The following PHKB variants were observed in gnomAD, a reference collection of about 807,000 sequenced individuals.
The protein encoded by PHKB is phosphorylase b kinase regulatory subunit beta.
Under a neutral mutation model 152.1 loss-of-function variants are expected in PHKB, and 122 were observed. The observed-to-expected ratio is 0.80, with a 90% CI of 0.69 to 0.93. PHKB has a LOEUF of 0.93. PHKB is among the 40% of genes least tolerant of loss of function. The probability of loss-of-function intolerance (pLI) is 0.00; values close to 1 mark genes in which losing one functional copy is unlikely to be tolerated. For synonymous variants in PHKB, 436 were observed against 464.9 expected (o/e 0.94, Z 0.80); for missense variants, 1,304 against 1,328.4 (o/e 0.98, Z 0.29).
chr16:47,538,241 G>A (rs570396511), intron 6 of PHKB, among the ~76,000 whole-genome samples: 1 of 152,244 alleles, frequency 6.6e-6, no homozygotes, highest in East Asian at 1.9e-4. Flanking sequence ...AGTATTTTCT[G>A]TTGTGTTATA....
chr16:47,500,397 C>T (rs1241813951), intron 3 of PHKB, among the ~76,000 whole-genome samples: 1 of 152,124 alleles, frequency 6.6e-6, no homozygotes, highest in Admixed American at 6.5e-5. Context: ...GACTTTGTGA[C>T]CAAAACTTCT....
intron 5 of PHKB, among the ~76,000 whole-genome samples, chr16:47,512,726 G>A (rs1407018245): frequency 1.3e-5 from 2 of 152,204 alleles, no homozygotes; most frequent in South Asian, 4.1e-4. Context: ...TGGACAGTCT[G>A]TTGTTTCTGG....
chr16:47,504,884 G>A (rs796922816), intron 4 of PHKB, among the ~76,000 whole-genome samples: 1 of 152,336 alleles, frequency 6.6e-6, no homozygotes, highest in African/African-American at 2.4e-5. Flanking sequence ...CACCCAGGGC[G>A]GTGCCCCAGA....
intron 2 of PHKB, among the ~76,000 whole-genome samples, chr16:47,498,256 ATAAC>A (rs1410850599): frequency 2.6e-5 from 4 of 152,212 alleles, no homozygotes; most frequent in Admixed American, 2.6e-4. Flanking sequence ...CTTTTTGGCA[ATAAC>A]TAGCTAAAGA....
chr16:47,534,086 C>T (rs1054890605), intron 6 of PHKB, among the ~76,000 whole-genome samples: 4 of 152,208 alleles, frequency 2.6e-5, no homozygotes, highest in Admixed American at 1.3e-4. Context: ...CACCCAAGCT[C>T]GGAAGGGGTG....
intron 7 of PHKB, among the ~76,000 whole-genome samples, chr16:47,559,708 T>G (rs1468812912): frequency 3.3e-5 from 5 of 152,178 alleles, no homozygotes; most frequent in Admixed American, 6.5e-5. Context: ...GGAGCTGTTT[T>G]CCTGTCTATG....
chr16:47,582,160 C>A (rs192349511), intron 8 of PHKB, among the ~76,000 whole-genome samples: 3 of 152,286 alleles, frequency 2.0e-5, no homozygotes, highest in Admixed American at 2.0e-4. Flanking sequence ...CTGTGACATA[C>A]CAAATACTGA....
intron 13 of PHKB, among the ~76,000 whole-genome samples, chr16:47,608,422 C>A (rs1972366559): frequency 1.3e-5 from 2 of 152,126 alleles, no homozygotes; most frequent in Admixed American, 6.5e-5. Context: ...CACTATTTGT[C>A]AATAAAAAAA....
intron 16 of PHKB, among the ~76,000 whole-genome samples, chr16:47,642,872 T>G (rs1387837917): frequency 2.6e-5 from 4 of 152,156 alleles, no homozygotes; most frequent in African/African-American, 7.2e-5. Flanking sequence ...CACGCCCAGA[T>G]GTACATAATG....
chr16:47,501,763 A>G (rs1185643643), intron 3 of PHKB, among the ~76,000 whole-genome samples: 1 of 152,236 alleles, frequency 6.6e-6, no homozygotes, highest in East Asian at 1.9e-4. Context: ...AATTGCTTTA[A>G]CAAATACAAG....
chr16:47,632,161 A>G (rs1228069692), intron 14 of PHKB, among the ~76,000 whole-genome samples: 4 of 152,158 alleles, frequency 2.6e-5, no homozygotes, highest in African/African-American at 9.7e-5. Context: ...ATAGTCCTCC[A>G]GTTACCCACA....
At chr16:47,568,601 A>C (rs761887914) in intron 7 of PHKB, among the ~76,000 whole-genome samples, 30 of 151,878 alleles carry the variant, frequency 2.0e-4, no homozygotes, top group Non-Finnish European at 3.8e-4. Context: ...TGGTTTCTTG[A>C]GGTGTGACAT....
intron 6 of PHKB, among the ~76,000 whole-genome samples, chr16:47,545,820 C>G (rs1971152306): frequency 6.6e-6 from 1 of 152,178 alleles, no homozygotes; most frequent in African/African-American, 2.4e-5. Flanking sequence ...AATATCTCTT[C>G]TCACTTCATT....
chr16:47,547,762 T>G (rs1971199523), intron 7 of PHKB: 3 of 511,762 alleles, frequency 5.9e-6, no homozygotes, highest in Admixed American at 6.4e-5. Flanking sequence ...GTAGGTGTCT[T>G]TCCCAACCTC....
At chr16:47,693,356 A>G (rs773670552) in intron 27 of PHKB, 22 bp from the exon 28 acceptor site, 9 of 1,613,572 alleles carry the variant, frequency 5.6e-6, no homozygotes, top group Non-Finnish European at 7.6e-6. Flanking sequence ...TTCAACTCTG[A>G]GACATTTGCC....
At chr16:47,473,042 G>T (rs1455919634) in intron 1 of PHKB, among the ~76,000 whole-genome samples, 2 of 145,226 alleles carry the variant, frequency 1.4e-5, no homozygotes, top group African/African-American at 4.9e-5. Context: ...TAGGATCTGT[G>T]TTTTTTTTTT....
chr16:47,591,250 T>A (rs1490045827), intron 10 of PHKB, among the ~76,000 whole-genome samples: 1 of 152,190 alleles, frequency 6.6e-6, no homozygotes, highest in Non-Finnish European at 1.5e-5. Context: ...CCTTTCCCTG[T>A]CCACCTCCAT....
chr16:47,470,927 T>C (rs1296278780), intron 1 of PHKB, among the ~76,000 whole-genome samples: 1 of 152,216 alleles, frequency 6.6e-6, no homozygotes, highest in African/African-American at 2.4e-5. Flanking sequence ...ATACATTCAC[T>C]CTGTCTCTCT....
At chr16:47,645,315 T>A (rs1360346471) in intron 16 of PHKB, among the ~76,000 whole-genome samples, 1 of 133,588 alleles carries the variant, frequency 7.5e-6, no homozygotes, top group Non-Finnish European at 1.6e-5. Flanking sequence ...TGGTAATGCC[T>A]AGGTTTTCTT....
Sources: allele counts gnomAD v4.1 joint callset (sites outside exome capture counted in the v4.1 genomes callset), GRCh38; gene constraint gnomAD v4.1.1; transcripts MANE v1.5; gene names NCBI Gene and HGNC (gene_info 2026-07-23, HGNC 2026-07-21).